SLC35F5: variants seen among roughly 807,000 people sequenced by gnomAD.
The protein encoded by SLC35F5 is solute carrier family 35 member F5, also known as HCV NS5A-transactivated protein 3.
Under a neutral mutation model 68.6 loss-of-function variants are expected in SLC35F5, and 54 were observed. The observed-to-expected ratio is 0.79, with a 90% confidence interval of 0.63 to 0.99. The LOEUF (loss-of-function observed/expected upper bound fraction) is 0.99. Among genes scored for constraint, SLC35F5 ranks in the 50% least tolerant of loss-of-function variants. The probability of loss-of-function intolerance (pLI) is 0.00; values close to 1 mark genes in which losing one functional copy is unlikely to be tolerated. For missense variants in SLC35F5, 567 were observed against 626.9 expected (o/e 0.90, Z 1.02); for synonymous variants, 211 against 205.2 (o/e 1.03, Z -0.24).
downstream of SLC35F5, among the ~76,000 whole-genome samples, chr2:113,703,162 TTCTCTCTC>T (rs142671681): frequency 2.0e-5 from 3 of 147,310 alleles, no homozygotes; most frequent in Admixed American, 6.8e-5. Flanking sequence ...ATGAATCTCT[TTCTCTCTC>T]TCTCTCTCTC....
chr2:113,734,650 C>T lies in SLC35F5; in HGVS notation c.856G>A (p.Ala286Thr). The T allele has an allele frequency of 6.2e-7, 1 of 1,605,236 alleles. No homozygotes were observed. The highest frequency in any genetic ancestry group is 8.5e-7 in the Non-Finnish European group (1 of 1,173,806). Residue 286 changes from alanine (A) to threonine (T), a missense_variant, in exon 9 of 16, where the codon GCA (alanine) becomes ACA (threonine). Coordinates refer to ENST00000245680, the MANE Select transcript of SLC35F5 (RefSeq NM_025181.5). Reference sequence around the variant, plus strand: ...TCTCCACTGTTACTTGGAAATACTGCAGCAAGGATTAAGGTAAAAAGTCCT... The same window carrying T: ...TCTCCACTGTTACTTGGAAATACTGTAGCAAGGATTAAGGTAAAAAGTCCT... The part of the protein sequence containing the change: ...TSGLFTLILA[A>T]VFPSNSGDRF...
rs906497149 is a variant in SLC35F5, at chr2:113,712,504, A to C, written c.*2714T>G. Reference sequence around the variant, plus strand: ...CTAATTCTTTGTATTTTTAGTAGAGACGGGGTTTCACTGTGTTAACCAGGA... The same window carrying C: ...CTAATTCTTTGTATTTTTAGTAGAGCCGGGGTTTCACTGTGTTAACCAGGA... On this transcript the variant is annotated 3_prime_UTR_variant, in exon 16 of 16. Transcript: ENST00000245680. Among the ~76,000 whole-genome samples, 3 of 151,460 alleles carry C rather than the reference A, an allele frequency of 2.0e-5. No individual in the cohort carries two copies. Among genetic ancestry groups the C allele is most frequent in the African/African-American group, 4.8e-5 (2 of 41,292 alleles).
downstream of SLC35F5, among the ~76,000 whole-genome samples, chr2:113,704,753 C>T (rs556807937): frequency 6.6e-6 from 1 of 152,218 alleles, no homozygotes; most frequent in African/African-American, 2.4e-5. Flanking sequence ...CCCGCAAGCA[C>T]CGCGCGCAGC....
At chr2:113,737,559 G>A (rs779148380) in intron 7 of SLC35F5, among the ~76,000 whole-genome samples, 12 of 152,178 alleles carry the variant, frequency 7.9e-5, no homozygotes, top group Non-Finnish European at 1.6e-4. Flanking sequence ...CTCACAGAGT[G>A]ATTATTAGCT....
At chr2:113,748,426 T>A (rs1233674316) in intron 4 of SLC35F5, among the ~76,000 whole-genome samples, 1 of 152,122 alleles carries the variant, frequency 6.6e-6, no homozygotes, top group Non-Finnish European at 1.5e-5. Context: ...CTCAGCTTCC[T>A]AAAGTGCTGG....
At chr2:113,721,580 C>A (rs1023554163) in intron 13 of SLC35F5, among the ~76,000 whole-genome samples, 2 of 151,812 alleles carry the variant, frequency 1.3e-5, no homozygotes, top group Admixed American at 1.3e-4. Context: ...TTTCAATCTA[C>A]GAAAGCTTTT....
intron 4 of SLC35F5, among the ~76,000 whole-genome samples, chr2:113,747,746 A>G (rs1323417591): frequency 6.6e-6 from 1 of 152,248 alleles, no homozygotes; most frequent in Non-Finnish European, 1.5e-5. Context: ...GATAAGAATT[A>G]ATGCAACCAT....
chr2:113,743,801 T>G lies in SLC35F5; in HGVS notation c.481-7A>C. Reference sequence around the variant, plus strand: ...GCACATACAGAGGTTCACTCTGGAATGTAACAGAAAAAAATATAAACAACA... The same window carrying G: ...GCACATACAGAGGTTCACTCTGGAAGGTAACAGAAAAAAATATAAACAACA... On this transcript the variant is annotated splice_polypyrimidine_tract_variant and splice_region_variant and intron_variant, in intron 5 of 15. Transcript: ENST00000245680. 1 of 1,584,744 alleles carries G rather than the reference T, an allele frequency of 6.3e-7. No individual in the cohort carries two copies. Among genetic ancestry groups the G allele is most frequent in the Non-Finnish European group, 8.6e-7 (1 of 1,164,766 alleles).
At chr2:113,718,596 G>C (rs1047678198) in intron 14 of SLC35F5, among the ~76,000 whole-genome samples, 3 of 151,992 alleles carry the variant, frequency 2.0e-5, no homozygotes, top group Admixed American at 6.6e-5. Context: ...GGGAATTCAA[G>C]GCCAGCCTGG....
chr2:113,714,892 C>G lies in SLC35F5; in HGVS notation c.*326G>C, dbSNP rs952856488. On this transcript the variant is annotated 3_prime_UTR_variant, in exon 16 of 16. Transcript: ENST00000245680. ...CATTTAACATGTGAAAATAAAGTCCCAGAACATTAGGATTTATTCCTTGAT... is the reference window on the plus strand; with the variant it reads ...CATTTAACATGTGAAAATAAAGTCCGAGAACATTAGGATTTATTCCTTGAT... 6 of 152,510 alleles carry G rather than the reference C, an allele frequency of 3.9e-5. No homozygotes were observed. Among genetic ancestry groups the G allele is most frequent in the Admixed American group, 3.3e-4 (5 of 15,266 alleles). The allele number at this position is 152,510 out of a possible 1,614,324, so 9.4% of individuals were successfully genotyped here.
At chr2:113,733,342 A>G in intron 9 of SLC35F5, 1 of 345,308 alleles carries the variant, frequency 2.9e-6, no homozygotes, top group Non-Finnish European at 5.9e-6. Context: ...AGAAGAAGTA[A>G]TGTACTCTGT....
Position 113,727,215 on chromosome 2 carries a change from T to G in SLC35F5, c.1091-1678A>C, listed in dbSNP as rs1380986112. On this transcript the variant is annotated intron_variant, in intron 11 of 15. Transcript: ENST00000245680. The stretch of plus-strand genomic sequence containing the variant: ...GCTTCCCCTTCACCTTACGTCATGA[T>G]TGTAAGTTTCCTGAGGCCTCCCCAG... Among the ~76,000 whole-genome samples the G allele has an allele frequency of 2.6e-5, 4 of 152,286 alleles. 1 individual carries two copies. Among genetic ancestry groups the G allele is most frequent in the Non-Finnish European group, 4.4e-5 (3 of 68,030 alleles).
At chr2:113,743,098 A>C (rs1304150975) in intron 6 of SLC35F5, among the ~76,000 whole-genome samples, 1 of 152,260 alleles carries the variant, frequency 6.6e-6, no homozygotes, top group Non-Finnish European at 1.5e-5. Flanking sequence ...TAAAAGGTTT[A>C]AAATGAGACC....
chr2:113,750,484 T>C lies in SLC35F5; in HGVS notation c.358A>G (p.Ile120Val). 6.2e-7 allele frequency: 1 copy of C among 1,613,640 alleles called. No individual in the cohort carries two copies. Among genetic ancestry groups the C allele is most frequent in the Non-Finnish European group, 8.5e-7 (1 of 1,179,770 alleles). The change falls in exon 4 of 16, where the codon ATT (isoleucine) becomes GTT (valine). Residue 120 changes from isoleucine to valine, a missense_variant. Transcript: ENST00000245680. ...CACTGTTGTCTCCATGGCTTCCAAATAATAAAGCCCAAAAGGTACAAAACA... is the reference window on the plus strand; with the variant it reads ...CACTGTTGTCTCCATGGCTTCCAAACAATAAAGCCCAAAAGGTACAAAACA... ...MFVLYLLGFI[I>V]WKPWRQQCTR...
intron 13 of SLC35F5, among the ~76,000 whole-genome samples, chr2:113,720,560 C>T (rs939397534): frequency 1.1e-4 from 16 of 151,814 alleles, no homozygotes; most frequent in Non-Finnish European, 1.9e-4. Flanking sequence ...AAGAAGACCC[C>T]GGAAAGAATA....
At position 113,751,023 on chromosome 2, in the gene SLC35F5, C is replaced by T. The variant is rs143756752; in HGVS notation, c.274-455G>A. Among the ~76,000 whole-genome samples the T allele has an allele frequency of 1.8e-3, 278 of 152,222 alleles. 1 individual carries two copies. The highest frequency in any genetic ancestry group is 3.7e-3 in the South Asian group (18 of 4,830). On this transcript the variant is annotated intron_variant, in intron 3 of 15. Transcript: ENST00000245680. Reference sequence around the variant, plus strand: ...TAGCCAGGGTGGTGGCGTGCACCCTCAGTCCCAGCTACTTGGGAGGCTGAA... The same window carrying T: ...TAGCCAGGGTGGTGGCGTGCACCCTTAGTCCCAGCTACTTGGGAGGCTGAA...
intron 13 of SLC35F5, among the ~76,000 whole-genome samples, chr2:113,720,490 C>T (rs950731727): frequency 3.9e-5 from 6 of 152,072 alleles, no homozygotes; most frequent in Admixed American, 3.9e-4. Flanking sequence ...TAATAACTGA[C>T]AATTTTTAAC....
intron 7 of SLC35F5, among the ~76,000 whole-genome samples, chr2:113,739,760 C>T (rs1688221667): frequency 6.6e-6 from 1 of 152,080 alleles, no homozygotes; most frequent in South Asian, 2.1e-4. Flanking sequence ...GACAAACCCT[C>T]AGGCAATAAA....
At chr2:113,752,911 T>C (rs72946641) in intron 3 of SLC35F5, among the ~76,000 whole-genome samples, 16,786 of 152,124 alleles carry the variant, frequency 0.11, 995 homozygotes, top group Non-Finnish European at 0.13. Context: ...TCCTTTTCAG[T>C]TTAAAGTAAA....
Sources: allele counts gnomAD v4.1 joint callset (sites outside exome capture counted in the v4.1 genomes callset), GRCh38; gene constraint gnomAD v4.1.1; transcripts MANE v1.5; gene names NCBI Gene and HGNC (gene_info 2026-07-23, HGNC 2026-07-21).